Variants in PANX1 observed in about 807,000 individuals in gnomAD.
PANX1 encodes pannexin-1.
In PANX1, 30 loss-of-function variants were observed where a neutral mutation model predicts 38.7. The ratio of observed to expected loss-of-function variants is 0.78; its 90% CI spans 0.58 to 1.05. PANX1 has a LOEUF of 1.05. Among genes scored for constraint, PANX1 ranks in the 50% least tolerant of loss-of-function variants. The probability of loss-of-function intolerance (pLI) is 0.00; values close to 1 mark genes in which losing one functional copy is unlikely to be tolerated. For synonymous variants in PANX1, 230 were observed against 212.2 expected, an observed-to-expected ratio of 1.08 and a Z score of -0.73; for missense variants, 551 against 517.2, an observed-to-expected ratio of 1.07 and a Z score of -0.63.
chr11:94,153,758 T>C, intron 2 of PANX1, 128 bp downstream of exon 2: 1 of 839,028 alleles, frequency 1.2e-6, no homozygotes, highest in South Asian at 1.9e-5. Flanking sequence ...ATTGTAAAAC[T>C]GTAGCACCTT....
chr11:94,140,883 C>T (rs1053501917), intron 1 of PANX1, among the ~76,000 whole-genome samples: 1 of 151,930 alleles, frequency 6.6e-6, no homozygotes, highest in Non-Finnish European at 1.5e-5. Context: ...AATTATAAAA[C>T]AAAAACTTAG....
intron 1 of PANX1, among the ~76,000 whole-genome samples, chr11:94,142,080 C>G (rs1946768585): frequency 6.6e-6 from 1 of 152,194 alleles, no homozygotes; most frequent in African/African-American, 2.4e-5. Flanking sequence ...CTGCTGTGTG[C>G]TCTCTGCCCC....
chr11:94,153,088 T>C (rs1309546190), intron 1 of PANX1, among the ~76,000 whole-genome samples: 1 of 152,188 alleles, frequency 6.6e-6, no homozygotes, highest in Admixed American at 6.5e-5. Flanking sequence ...CTTGTTTTTT[T>C]AGTCCAATTT....
chr11:94,164,978 A>T (rs1270979146), intron 2 of PANX1, among the ~76,000 whole-genome samples: 1 of 152,008 alleles, frequency 6.6e-6, no homozygotes. Context: ...ATTTTATCTG[A>T]TACATGTATA....
chr11:94,180,040 G>C lies in PANX1; in HGVS notation c.984G>C (p.Leu328Phe). The change falls in exon 4 of 5, where the codon TTG becomes TTC. Residue 328 changes from leucine (L) to phenylalanine (F), a missense_variant. Physicochemically the swap from Leu to Phe is conservative, Grantham distance 22 (BLOSUM62 0). Coordinates refer to ENST00000227638, the MANE Select transcript of PANX1 (RefSeq NM_015368.4). The stretch of plus-strand genomic sequence containing the variant: ...TCAAATCTGAAGGGTACAACGATTT[G>C]AGCCTCTACAATCTCTTCTTGGAGG... ...LHFKSEGYND[L>F]SLYNLFLEEN... 6.2e-7 allele frequency: 1 copy of C among 1,608,742 alleles called. No individual in the cohort carries two copies. Among genetic ancestry groups the C allele is most frequent in the Non-Finnish European group, 8.5e-7 (1 of 1,176,282 alleles).
chr11:94,145,837 G>C (rs559359327), intron 1 of PANX1, among the ~76,000 whole-genome samples: 1 of 152,302 alleles, frequency 6.6e-6, no homozygotes, highest in East Asian at 1.9e-4. Context: ...TGTGAAAGAA[G>C]AAAGAACAAA....
At chr11:94,156,054 G>A (rs1237110217) in intron 2 of PANX1, among the ~76,000 whole-genome samples, 2 of 113,448 alleles carry the variant, frequency 1.8e-5, no homozygotes, top group Non-Finnish European at 3.6e-5. Context: ...TGATGGATCC[G>A]CAGGAGAATT....
rs146477497 is a variant in PANX1 at position 94,129,183 on chromosome 11, C to T, written c.-130C>T. 2 of 664,608 alleles carry T rather than the reference C, an allele frequency of 3.0e-6. No homozygotes were observed. The highest frequency in any genetic ancestry group is 4.9e-6 in the Non-Finnish European group (2 of 410,898). 41.2% of individuals were successfully genotyped at this position (664,608 alleles called of 1,614,324 possible). On this transcript the variant is annotated 5_prime_UTR_variant, in exon 1 of 5. Transcript: ENST00000227638. ...TGAGGCACCGAGACACAAAGGCAGGCGGGATGCGGGAGCAGGCAAAGGGAA... is the reference window on the plus strand; with the variant it reads ...TGAGGCACCGAGACACAAAGGCAGGTGGGATGCGGGAGCAGGCAAAGGGAA...
intron 1 of PANX1, among the ~76,000 whole-genome samples, chr11:94,153,279 G>A (rs1032999621): frequency 1.5e-4 from 23 of 152,054 alleles, no homozygotes; most frequent in African/African-American, 5.6e-4. Flanking sequence ...CCCAACTGAG[G>A]CCAAGCTGCT....
chr11:94,157,557 G>A (rs530848463), intron 2 of PANX1, among the ~76,000 whole-genome samples: 8,335 of 151,994 alleles, frequency 0.055, 771 homozygotes, highest in African/African-American at 0.19. Context: ...GTCTGTTCAT[G>A]TCCTTCGCCC....
intron 2 of PANX1, among the ~76,000 whole-genome samples, chr11:94,164,230 T>C (rs1947078240): frequency 6.6e-6 from 1 of 152,120 alleles, no homozygotes; most frequent in East Asian, 1.9e-4. Flanking sequence ...TGCTCTTTAA[T>C]AGTCTACTGA....
rs191610172 is a variant in PANX1 at position 94,131,265 on chromosome 11, G to C, written c.181+1772G>C. On this transcript the variant is annotated intron_variant, in intron 1 of 4. Transcript: ENST00000227638. ...CCACCTCTAGCACATGTACTAGAGGGACTCCTAAGGCACCTGTACCTGTAA... is the reference window on the plus strand; with the variant it reads ...CCACCTCTAGCACATGTACTAGAGGCACTCCTAAGGCACCTGTACCTGTAA... Among the ~76,000 whole-genome samples the C allele has an allele frequency of 4.6e-5, 7 of 152,184 alleles. No individual in the cohort carries two copies. The East Asian group carries it at 1.2e-3, about 25-fold the overall frequency.
intron 2 of PANX1, among the ~76,000 whole-genome samples, chr11:94,159,552 A>G (rs1237157170): frequency 1.3e-5 from 2 of 152,070 alleles, no homozygotes; most frequent in Non-Finnish European, 1.5e-5. Context: ...GGTAGTTTGT[A>G]TTTCTGTGGG....
In PANX1 at chr11:94,180,028, G is replaced by C. The variant is rs769116643; in HGVS notation, c.972G>C (p.Gly324=). 11 of 1,606,024 alleles carry C rather than the reference G, an allele frequency of 6.8e-6. No individual in the cohort carries two copies. In the East Asian group the frequency reaches 2.2e-4, roughly 33 times the overall value. ...TFDVLHFKSE[G]YNDLSLYNLF... is the part of the protein sequence containing the mutation. The stretch of plus-strand genomic sequence containing the variant: ...ATGTTCTGCATTTCAAATCTGAAGG[G>C]TACAACGATTTGAGCCTCTACAATC... Residue 324 remains glycine (G), a synonymous_variant, in exon 4 of 5, where the codon GGG becomes GGC. Transcript: ENST00000227638.
At position 94,151,370 on chromosome 11, in the gene PANX1, GA is replaced by G. The variant is rs1423828740; in HGVS notation, c.182-2118del. Among the ~76,000 whole-genome samples the G allele has an allele frequency of 2.0e-5, 3 of 152,326 alleles. No homozygotes were observed. In the East Asian group the frequency reaches 5.8e-4, roughly 29 times the overall value. ...AGAGCTTGAAGCACTCTTTCCTATA[GA>G]AAGAATGTTAATAAATGTTGGATAC... is the stretch of plus-strand genomic sequence containing the variant. On this transcript the variant is annotated intron_variant, in intron 1 of 4. Transcript: ENST00000227638.
At chr11:94,153,290 A>T (rs1176740237) in intron 1 of PANX1, among the ~76,000 whole-genome samples, 2 of 152,150 alleles carry the variant, frequency 1.3e-5, no homozygotes, top group African/African-American at 4.8e-5. Flanking sequence ...CCAAGCTGCT[A>T]TCATGACCAG....
chr11:94,172,770 C>G (rs1040225254), intron 2 of PANX1, among the ~76,000 whole-genome samples: 1 of 151,718 alleles, frequency 6.6e-6, no homozygotes, highest in African/African-American at 2.4e-5. Flanking sequence ...AGCTCCTTGC[C>G]TCATAGGACA....
chr11:94,139,680 T>C (rs1478299687), intron 1 of PANX1, among the ~76,000 whole-genome samples: 1 of 152,094 alleles, frequency 6.6e-6, no homozygotes, highest in Admixed American at 6.5e-5. Flanking sequence ...AGTTGATCAC[T>C]AGTGGCTCAT....
intron 1 of PANX1, among the ~76,000 whole-genome samples, chr11:94,144,420 G>A (rs1305889493): frequency 6.6e-6 from 1 of 151,372 alleles, no homozygotes; most frequent in East Asian, 2.0e-4. Context: ...CATGGGTCCA[G>A]CTTCTGTCTC....
Sources: allele counts gnomAD v4.1 joint callset (sites outside exome capture counted in the v4.1 genomes callset), GRCh38; gene constraint gnomAD v4.1.1; transcripts MANE v1.5; gene names NCBI Gene and HGNC (gene_info 2026-07-23, HGNC 2026-07-21).